The following ZBBX variants were observed in gnomAD, a reference collection of about 807,000 sequenced individuals.
ZBBX encodes the protein zinc finger B-box domain-containing protein 1.
In ZBBX, 101 loss-of-function variants were observed where a neutral mutation model predicts 108.5. The ratio of observed to expected loss-of-function variants is 0.93; its 90% CI spans 0.79 to 1.10. The LOEUF is 1.10. ZBBX is among the 50% of genes least tolerant of loss of function. ZBBX has a pLI of 0.00. For synonymous variants in ZBBX, 356 were observed against 323.4 expected, an observed-to-expected ratio of 1.10 and a Z score of -1.08; for missense variants, 1,009 against 941.4, an observed-to-expected ratio of 1.07 and a Z score of -0.94.
At chr3:167,303,316 T>C (rs1733040078) in intron 17 of ZBBX, among the ~76,000 whole-genome samples, 1 of 152,192 alleles carries the variant, frequency 6.6e-6, no homozygotes, top group African/African-American at 2.4e-5. Context: ...TCTACCTTCC[T>C]TTATAATACA....
intron 1 of ZBBX, among the ~76,000 whole-genome samples, chr3:167,405,556 A>G (rs997947778): frequency 2.0e-5 from 3 of 152,208 alleles, no homozygotes; most frequent in Admixed American, 1.3e-4. Context: ...GAAGTGTGAT[A>G]GGAACATGGC....
intron 1 of ZBBX, among the ~76,000 whole-genome samples, chr3:167,405,741 G>A (rs6798304): frequency 0.17 from 26,331 of 152,182 alleles, 2,865 homozygotes; most frequent in South Asian, 0.29. Flanking sequence ...TATTGCTTGA[G>A]TTGTAAGAAA....
rs550480233 is a variant in ZBBX at position 167,318,038 on chromosome 3, C to G, written c.984-441G>C. ...TTCCATCCTACCAGCAGGGTGGTAACATAGGCTCCTACAATAAAAATGTAA... is the reference window on the plus strand; with the variant it reads ...TTCCATCCTACCAGCAGGGTGGTAAGATAGGCTCCTACAATAAAAATGTAA... On this transcript the variant is annotated intron_variant, in intron 12 of 21. Coordinates refer to ENST00000675490, the MANE Select transcript of ZBBX (RefSeq NM_001199201.2). Among the ~76,000 whole-genome samples the G allele has an allele frequency of 1.2e-3, 181 of 152,020 alleles. 4 individuals carry two copies. Among genetic ancestry groups the G allele is most frequent in the Non-Finnish European group, 1.0e-3 (71 of 67,898 alleles).
chr3:167,327,993 T>G lies in ZBBX; in HGVS notation c.811A>C (p.Thr271Pro), dbSNP rs770854747. The G allele has an allele frequency of 6.2e-7, 1 of 1,612,300 alleles. No individual in the cohort carries two copies. Among genetic ancestry groups the G allele is most frequent in the Non-Finnish European group, 8.5e-7 (1 of 1,179,412 alleles). Residue 271 changes from threonine to proline, a missense_variant, in exon 11 of 22, where the codon ACC becomes CCC. Physicochemically the swap from Thr to Pro is conservative, Grantham distance 38. Coordinates refer to ENST00000675490, the MANE Select transcript of ZBBX (RefSeq NM_001199201.2). Reference sequence around the variant, plus strand: ...TTCTTGTTGTCATCATGATTTCCGGTTCTCCATTGACTTAACACTTCCTGA... The same window carrying G: ...TTCTTGTTGTCATCATGATTTCCGGGTCTCCATTGACTTAACACTTCCTGA... ...SFQEVLSQWR[T>P]GNHDDNKKQN...
chr3:167,286,101 C>A (rs1276534972), intron 19 of ZBBX, among the ~76,000 whole-genome samples: 1 of 151,932 alleles, frequency 6.6e-6, no homozygotes, highest in African/African-American at 2.4e-5. Flanking sequence ...AGCATCTGGA[C>A]TGAAGCTGAA....
At chr3:167,351,608 G>A (rs1368085436) in intron 8 of ZBBX, among the ~76,000 whole-genome samples, 2 of 152,120 alleles carry the variant, frequency 1.3e-5, no homozygotes, top group African/African-American at 4.8e-5. Flanking sequence ...GAGCCCCATA[G>A]GCCTCCACAC....
chr3:167,242,601 G>C lies in ZBBX; in HGVS notation c.2297C>G (p.Pro766Arg). The change falls in exon 21 of 22, where the codon CCA becomes CGA. Residue 766 changes from proline to arginine, a missense_variant. By Grantham distance (103) the Pro-to-Arg change is moderately radical (BLOSUM62 -2). Coordinates refer to ENST00000675490, the MANE Select transcript of ZBBX (RefSeq NM_001199201.2). Reference protein sequence around the residue: ...KLYSLTSEEFPDFSSQSLNIS... With the variant: ...KLYSLTSEEFRDFSSQSLNIS... Reference sequence around the variant, plus strand: ...ATTCAGTGATTGGCTGCTGAAATCTGGGAACTCTTCTGAGGTTAAGCTGTA... The same window carrying C: ...ATTCAGTGATTGGCTGCTGAAATCTCGGAACTCTTCTGAGGTTAAGCTGTA... The C allele has an allele frequency of 6.2e-7, 1 of 1,613,546 alleles. No homozygotes were observed. Among genetic ancestry groups the C allele is most frequent in the South Asian group, 1.1e-5 (1 of 91,052 alleles).
At position 167,367,968 on chromosome 3, in the gene ZBBX, G is replaced by GTATATA. The variant is rs927024323; in HGVS notation, c.182+487_182+492dup. On this transcript the variant is annotated intron_variant, in intron 5 of 21. Transcript: ENST00000675490. ...TTTGAGCAATTCTGATTATATATAT[G>GTATATA]TATATATATATATATATATACATAT... is the stretch of plus-strand genomic sequence containing the variant. 8.1e-3 allele frequency among the ~76,000 whole-genome samples: 178 copies of GTATATA among 21,886 alleles called. 1 individual carries two copies. The highest frequency in any genetic ancestry group is 0.055 in the East Asian group (35 of 632). 14.4% of individuals were successfully genotyped at this position (21,886 alleles called of 152,430 possible). A position where few individuals can be genotyped will look rare whatever the true frequency, so the allele number is the denominator to read the frequency against.
At chr3:167,327,431 T>A (rs963444609) in intron 11 of ZBBX, among the ~76,000 whole-genome samples, 3 of 151,934 alleles carry the variant, frequency 2.0e-5, no homozygotes, top group African/African-American at 7.3e-5. Flanking sequence ...CAAATGCAAA[T>A]CCCCCTAGTG....
At chr3:167,306,142 T>C (rs1238024045) in intron 16 of ZBBX, among the ~76,000 whole-genome samples, 192 bp from the exon 17 acceptor site, 2 of 152,204 alleles carry the variant, frequency 1.3e-5, no homozygotes, top group Non-Finnish European at 2.9e-5. Flanking sequence ...ATAATTCACT[T>C]ATAGAACCAA....
chr3:167,280,365 G>A (rs1450529165), intron 20 of ZBBX, among the ~76,000 whole-genome samples: 2 of 150,658 alleles, frequency 1.3e-5, no homozygotes, highest in Admixed American at 1.3e-4. Flanking sequence ...CTGACAAAGG[G>A]CTAATATCCA....
intron 2 of ZBBX, among the ~76,000 whole-genome samples, chr3:167,376,506 A>G (rs1165625722): frequency 1.3e-5 from 2 of 152,186 alleles, no homozygotes; most frequent in African/African-American, 2.4e-5. Flanking sequence ...TAATCTAAAT[A>G]ATCTAAATTG....
chr3:167,203,077 A>G, the ZBBX span, among the ~76,000 whole-genome samples: 4 of 152,192 alleles, frequency 2.6e-5, no homozygotes, highest in African/African-American at 9.6e-5. Flanking sequence ...TACTAGAACT[A>G]TCATAACAAA....
chr3:167,378,729 T>G (rs1449197002), intron 2 of ZBBX, among the ~76,000 whole-genome samples: 10 of 152,168 alleles, frequency 6.6e-5, no homozygotes, highest in African/African-American at 2.4e-4. Context: ...GCTTTACCCT[T>G]AGCATCTCTG....
intron 9 of ZBBX, among the ~76,000 whole-genome samples, chr3:167,335,664 T>A (rs1266818694): frequency 6.6e-6 from 1 of 151,384 alleles, no homozygotes; most frequent in Non-Finnish European, 1.5e-5. Flanking sequence ...TAACATTACA[T>A]TGAAACTTTT....
rs1043626309 is a variant in ZBBX, at chr3:167,315,759, C to T, written c.1265G>A (p.Ser422Asn). Residue 422 changes from serine (S) to asparagine (N), a missense_variant, in exon 15 of 22, where the codon AGT (serine) becomes AAT (asparagine). Ser to Asn is a conservative substitution (Grantham distance 46). Coordinates refer to ENST00000675490, the MANE Select transcript of ZBBX (RefSeq NM_001199201.2). The stretch of plus-strand genomic sequence containing the variant: ...ATTAGAAAGGTTTTACCTTCGTTGA[C>T]TGTCTGCATCAGCTAATTTAACTTT... ...PYKVKLADAD[S>N]QRSCAFHDCQ... 1 of 1,606,726 alleles carries T rather than the reference C, an allele frequency of 6.2e-7. No individual in the cohort carries two copies. The highest frequency in any genetic ancestry group is 1.3e-5 in the African/African-American group (1 of 74,818).
At position 167,379,416 on chromosome 3, in the gene ZBBX, A is replaced by G. The variant is rs1465664749; in HGVS notation, c.-132+222T>C. 6.6e-5 allele frequency among the ~76,000 whole-genome samples: 10 copies of G among 152,360 alleles called. No homozygotes were observed. The East Asian group carries it at 1.7e-3, about 26-fold the overall frequency. ...ACTACTTTCAAACAATTCATTTGTA[A>G]TACAATTGGTAAAATTATGACAGGT... On this transcript the variant is annotated intron_variant, in intron 2 of 21. Coordinates refer to ENST00000675490, the MANE Select transcript of ZBBX (RefSeq NM_001199201.2).
rs753046323 is a variant in ZBBX at position 167,240,783 on chromosome 3, C to G, written c.*10G>C. 1.8e-5 allele frequency: 29 copies of G among 1,610,388 alleles called. No individual in the cohort carries two copies. The South Asian group carries it at 3.0e-4, about 17-fold the overall frequency. On this transcript the variant is annotated 3_prime_UTR_variant, in exon 22 of 22. Coordinates refer to ENST00000675490, the MANE Select transcript of ZBBX (RefSeq NM_001199201.2). ...GGTACAAAATGGAAACAGTAATGAA[C>G]AAATAATCTTTAAGTACTCTTTGAC...
intron 20 of ZBBX, among the ~76,000 whole-genome samples, chr3:167,271,795 C>CAGT (rs1235285123): frequency 6.6e-6 from 1 of 152,202 alleles, no homozygotes; most frequent in Non-Finnish European, 1.5e-5. Context: ...GAAATGCCCC[C>CAGT]AGTTGCTCAT....
Sources: allele counts gnomAD v4.1 joint callset (sites outside exome capture counted in the v4.1 genomes callset), GRCh38; gene constraint gnomAD v4.1.1; transcripts MANE v1.5; gene names NCBI Gene and HGNC (gene_info 2026-07-23, HGNC 2026-07-21).